The following VWA2 variants were observed in gnomAD, a reference collection of about 807,000 sequenced individuals.
VWA2 encodes von Willebrand factor A domain-containing protein 2.
Under a neutral mutation model 70.4 loss-of-function variants are expected in VWA2, and 73 were observed. That is an observed-to-expected ratio of 1.04 (90% confidence interval 0.86 to 1.26). VWA2 has a LOEUF of 1.26. Among genes scored for constraint, VWA2 ranks in the 50% most tolerant of loss-of-function variants. The pLI is 0.00. For missense variants in VWA2, 1,011 were observed against 998.5 expected, an observed-to-expected ratio of 1.01 and a Z score of -0.17; for synonymous variants, 407 against 423.3, an observed-to-expected ratio of 0.96 and a Z score of 0.47.
rs1206809046 is a variant in VWA2, at chr10:114,291,214, C to G, written c.2249-4C>G. On this transcript the variant is annotated splice_polypyrimidine_tract_variant and splice_region_variant and intron_variant, in intron 13 of 13. Transcript: ENST00000392982. ...CTGTCCTCAGACTTCACTTCCTTCC[C>G]CAGGATTCTTGAGACGCCCCTGAGG... 6.4e-7 allele frequency: 1 copy of G among 1,550,424 alleles called. No homozygotes were observed. Among genetic ancestry groups the G allele is most frequent in the Non-Finnish European group, 8.7e-7 (1 of 1,146,948 alleles).
intron 8 of VWA2, among the ~76,000 whole-genome samples, chr10:114,279,323 C>T (rs370157335): frequency 2.4e-4 from 37 of 152,170 alleles, no homozygotes; most frequent in African/African-American, 7.9e-4. Context: ...GCCCGTCTGC[C>T]CACCCATCCC....
In VWA2 at chr10:114,286,236, G is replaced by A. The variant is rs376788856; in HGVS notation, c.1295G>A (p.Arg432His). The A allele has an allele frequency of 2.2e-5, 35 of 1,613,180 alleles. No homozygotes were observed. Among genetic ancestry groups the A allele is most frequent in the Middle Eastern group, 1.7e-4 (1 of 6,058 alleles). ...AGTGCCTTGCGGCAGGCGGCAGAGC[G>A]TGGCTTCGGGAGCGCCACCAGGACA... is the stretch of plus-strand genomic sequence containing the variant. ...TGSALRQAAERGFGSATRTGQ... is the reference protein window; with the variant it reads ...TGSALRQAAEHGFGSATRTGQ... Residue 432 changes from arginine to histidine, a missense_variant, in exon 11 of 14, where the codon CGT (arginine) becomes CAT (histidine). Physicochemically the swap from Arg to His is conservative, Grantham distance 29. Transcript: ENST00000392982.
At position 114,268,465 on chromosome 10, in the gene VWA2, A is replaced by G. The variant is rs545964082; in HGVS notation, c.372-4275A>G. Among the ~76,000 whole-genome samples the G allele has an allele frequency of 1.2e-3, 189 of 152,218 alleles. 1 individual carries two copies. Among genetic ancestry groups the G allele is most frequent in the Non-Finnish European group, 5.9e-5 (4 of 68,010 alleles). On this transcript the variant is annotated intron_variant, in intron 5 of 13. Transcript: ENST00000392982. ...ACCCTTCTCTGGACTCTCCTATTCC[A>G]GAGAGCTGTGGTGAGAATTATATGG...
chr10:114,260,155 G>C (rs1191173662), intron 4 of VWA2, among the ~76,000 whole-genome samples: 1 of 152,218 alleles, frequency 6.6e-6, no homozygotes, highest in African/African-American at 2.4e-5. Context: ...GGGTTTTGGA[G>C]AACCAATGAT....
intron 6 of VWA2, among the ~76,000 whole-genome samples, chr10:114,274,922 A>G (rs1462584959): frequency 2.0e-5 from 3 of 152,122 alleles, no homozygotes; most frequent in South Asian, 2.1e-4. Flanking sequence ...ATCTCCCGAC[A>G]TGGGAAAGAT....
chr10:114,250,844 C>A (rs910555991), intron 2 of VWA2, among the ~76,000 whole-genome samples: 1 of 152,250 alleles, frequency 6.6e-6, no homozygotes, highest in Non-Finnish European at 1.5e-5. Context: ...TCTGTTCCAG[C>A]TTGTCATGGA....
intron 8 of VWA2, among the ~76,000 whole-genome samples, chr10:114,279,199 T>A (rs568106556): frequency 1.1e-3 from 167 of 152,178 alleles, no homozygotes; most frequent in African/African-American, 3.9e-3. Context: ...GTTTCCACAT[T>A]ATGGGGGCTG....
intron 1 of VWA2, among the ~76,000 whole-genome samples, chr10:114,243,674 T>C (rs751340100): frequency 2.0e-5 from 3 of 152,214 alleles, no homozygotes; most frequent in Non-Finnish European, 2.9e-5. Context: ...TCATTTCCGA[T>C]GGTAGAGAAG....
At chr10:114,289,619 C>A in intron 12 of VWA2, 130 bp downstream of exon 12, 1 of 1,001,292 alleles carries the variant, frequency 1.0e-6, no homozygotes, top group Non-Finnish European at 1.5e-6. Context: ...GTGCCAGGTT[C>A]TGTGCTAAAC....
At chr10:114,251,655 C>A (rs964997431) in intron 2 of VWA2, among the ~76,000 whole-genome samples, 3 of 151,974 alleles carry the variant, frequency 2.0e-5, no homozygotes, top group African/African-American at 7.3e-5. Flanking sequence ...GAGGGCTGGG[C>A]GAGGCTCTGT....
intron 4 of VWA2, among the ~76,000 whole-genome samples, chr10:114,259,189 A>G (rs1424523715): frequency 2.0e-5 from 3 of 152,192 alleles, no homozygotes; most frequent in Non-Finnish European, 4.4e-5. Context: ...CACCCCGAAA[A>G]CATTGTATAT....
intron 1 of VWA2, among the ~76,000 whole-genome samples, chr10:114,245,721 C>A (rs1036372551): frequency 6.6e-6 from 1 of 152,198 alleles, no homozygotes; most frequent in African/African-American, 2.4e-5. Flanking sequence ...ACCTTTCTCC[C>A]TTTGATCGTG....
chr10:114,255,931 G>A (rs138927562), intron 4 of VWA2, among the ~76,000 whole-genome samples: 2,436 of 152,152 alleles, frequency 0.016, 29 homozygotes, highest in Middle Eastern at 0.034. Flanking sequence ...CACTTACTGG[G>A]TTAGCAAAAA....
intron 4 of VWA2, among the ~76,000 whole-genome samples, chr10:114,256,574 T>C (rs1206899880): frequency 1.3e-5 from 2 of 152,146 alleles, no homozygotes; most frequent in South Asian, 2.1e-4. Flanking sequence ...CTTAAATATT[T>C]TCTGGATTTT....
intron 5 of VWA2, among the ~76,000 whole-genome samples, chr10:114,268,263 T>C (rs891960424): frequency 1.8e-5 from 2 of 111,594 alleles, no homozygotes; most frequent in Non-Finnish European, 3.3e-5. Context: ...CAAAAGTTCA[T>C]ACATGGCAGT....
chr10:114,268,644 C>T (rs2037627585), intron 5 of VWA2, among the ~76,000 whole-genome samples: 1 of 152,088 alleles, frequency 6.6e-6, no homozygotes, highest in Admixed American at 6.5e-5. Context: ...TCAGAACAGA[C>T]TCTTAGGCAG....
chr10:114,245,112 C>T (rs1164257991), intron 1 of VWA2, among the ~76,000 whole-genome samples: 2 of 152,186 alleles, frequency 1.3e-5, no homozygotes, highest in East Asian at 1.9e-4. Flanking sequence ...GAGCCAACAC[C>T]GTCTGATTGA....
intron 6 of VWA2, among the ~76,000 whole-genome samples, 187 bp downstream of exon 6, chr10:114,273,121 A>G (rs1435865744): frequency 6.6e-6 from 1 of 152,170 alleles, no homozygotes; most frequent in African/African-American, 2.4e-5. Context: ...CTGTATTTGC[A>G]TTGATTTTGG....
At chr10:114,275,595 C>T (rs566611037) in intron 6 of VWA2, among the ~76,000 whole-genome samples, 1 of 151,718 alleles carries the variant, frequency 6.6e-6, no homozygotes, top group Non-Finnish European at 1.5e-5. Flanking sequence ...GGTTTTTTTT[C>T]CCCCAGATAC....
Sources: gnomAD v4.1 joint callset for allele counts (sites outside exome capture counted in the v4.1 genomes callset) on GRCh38, gnomAD v4.1.1 for gene constraint, MANE v1.5 for transcripts, NCBI Gene and HGNC (gene_info 2026-07-23, HGNC 2026-07-21) for gene names.